The following SRBD1 variants were observed in gnomAD, a reference collection of about 807,000 sequenced individuals.
SRBD1 encodes S1 RNA binding domain 1.
In SRBD1, 88 loss-of-function variants were observed where a neutral mutation model predicts 115.3. The observed-to-expected ratio is 0.76, with a 90% CI of 0.64 to 0.91. The LOEUF (loss-of-function observed/expected upper bound fraction) is 0.91. SRBD1 is among the 40% of genes least tolerant of loss of function. SRBD1 has a pLI of 0.00. For missense variants in SRBD1, 1,385 were observed against 1,177.4 expected (o/e 1.18, Z -2.58); for synonymous variants, 509 against 407.7 (o/e 1.25, Z -2.99).
intron 7 of SRBD1, among the ~76,000 whole-genome samples, chr2:45,577,442 C>T (rs1673214812): frequency 6.6e-6 from 1 of 152,166 alleles, no homozygotes. Context: ...CTTCAAACCT[C>T]CACACCTGTA....
intron 18 of SRBD1, among the ~76,000 whole-genome samples, 199 bp downstream of exon 18, chr2:45,418,166 C>G (rs2103629150): frequency 6.6e-6 from 1 of 152,284 alleles, no homozygotes; most frequent in African/African-American, 2.4e-5. Context: ...TAAAATATAA[C>G]TCCATGAGAA....
intron 16 of SRBD1, among the ~76,000 whole-genome samples, chr2:45,474,488 A>G (rs1218214818): frequency 6.6e-6 from 1 of 152,194 alleles, no homozygotes; most frequent in South Asian, 2.1e-4. Flanking sequence ...CTCTTGAGCT[A>G]TCTCCCAGCC....
intron 16 of SRBD1, among the ~76,000 whole-genome samples, chr2:45,455,677 A>T (rs1419159350): frequency 6.6e-6 from 1 of 151,786 alleles, no homozygotes; most frequent in South Asian, 2.1e-4. Flanking sequence ...CCCTGACACA[A>T]CTTTGCAATG....
intron 18 of SRBD1, among the ~76,000 whole-genome samples, chr2:45,416,397 C>A (rs1393350015): frequency 1.3e-5 from 2 of 152,150 alleles, no homozygotes; most frequent in African/African-American, 4.8e-5. Flanking sequence ...CACAAATCTT[C>A]AAGTACCTAA....
intron 16 of SRBD1, among the ~76,000 whole-genome samples, chr2:45,424,097 C>A (rs1668083805): frequency 6.6e-6 from 1 of 152,110 alleles, no homozygotes; most frequent in Admixed American, 6.5e-5. Flanking sequence ...AGAAAACATA[C>A]TGATGTAATA....
chr2:45,599,489 C>T lies in SRBD1; in HGVS notation c.608G>A (p.Ser203Asn), dbSNP rs1674019029. The T allele has an allele frequency of 2.5e-6, 4 of 1,614,024 alleles. No homozygotes were observed. The highest frequency in any genetic ancestry group is 3.3e-5 in the Admixed American group (2 of 60,014). The change falls in exon 4 of 21, where the codon AGT (serine) becomes AAT (asparagine). Residue 203 changes from serine (S) to asparagine (N), a missense_variant. Coordinates refer to ENST00000263736, the MANE Select transcript of SRBD1 (RefSeq NM_018079.5). ...ATTCATTTCCACCTCCTCTTTAGTA[C>T]TATTGGCATTTGCTGGAAACTTGAC... Reference protein sequence around the residue: ...QPVKFPANANSTKEEVEMNWD... With the variant: ...QPVKFPANANNTKEEVEMNWD...
intron 10 of SRBD1, among the ~76,000 whole-genome samples, chr2:45,556,702 A>G (rs1287436577): frequency 6.6e-6 from 1 of 152,024 alleles, no homozygotes. Flanking sequence ...ACCTCAAGTG[A>G]TCTACCTGCT....
chr2:45,536,927 A>G (rs1198665147), intron 14 of SRBD1, among the ~76,000 whole-genome samples: 2 of 152,232 alleles, frequency 1.3e-5, no homozygotes, highest in Non-Finnish European at 2.9e-5. Flanking sequence ...ATGATCAACC[A>G]TAAGAAACAC....
chr2:45,577,842 T>C (rs1273780097), intron 7 of SRBD1, among the ~76,000 whole-genome samples: 1 of 151,914 alleles, frequency 6.6e-6, no homozygotes, highest in Non-Finnish European at 1.5e-5. Context: ...AAGCAGTACC[T>C]AGCTTATATA....
At position 45,585,767 on chromosome 2, in the gene SRBD1, G is replaced by C. The variant is rs750678667; in HGVS notation, c.656C>G (p.Ser219Cys). Residue 219 changes from serine to cysteine, a missense_variant, in exon 5 of 21, where the codon TCT (serine) becomes TGT (cysteine). Ser to Cys is a moderately radical substitution (Grantham distance 112). Transcript: ENST00000263736. ...CCAAGGTTCAATATTAGTTCTCTCAGATAAAACCTGCAAATTAAAGATACT... is the reference window on the plus strand; with the variant it reads ...CCAAGGTTCAATATTAGTTCTCTCACATAAAACCTGCAAATTAAAGATACT... ...EMNWDMVQVL[S>C]ERTNIEPWVC... 6 of 1,586,288 alleles carry C rather than the reference G, an allele frequency of 3.8e-6. No homozygotes were observed. The highest frequency in any genetic ancestry group is 4.3e-6 in the Non-Finnish European group (5 of 1,172,442).
At chr2:45,515,439 G>A (rs1422245482) in intron 14 of SRBD1, among the ~76,000 whole-genome samples, 1 of 152,152 alleles carries the variant, frequency 6.6e-6, no homozygotes, top group Non-Finnish European at 1.5e-5. Context: ...ACTATATTCA[G>A]TACAGCGTAG....
At chr2:45,567,594 G>C (rs1347495975) in intron 9 of SRBD1, among the ~76,000 whole-genome samples, 2 of 149,054 alleles carry the variant, frequency 1.3e-5, no homozygotes, top group East Asian at 3.9e-4. Flanking sequence ...GGGTGAAAGA[G>C]CAAGATACTG....
chr2:45,407,614 C>A (rs1239768949), intron 19 of SRBD1, among the ~76,000 whole-genome samples: 2 of 151,884 alleles, frequency 1.3e-5, no homozygotes, highest in East Asian at 1.9e-4. Context: ...AAAGTCATCA[C>A]CAACAAAATT....
At chr2:45,587,384 A>G (rs189837095) in intron 4 of SRBD1, among the ~76,000 whole-genome samples, 75 of 151,722 alleles carry the variant, frequency 4.9e-4, no homozygotes, top group African/African-American at 1.8e-3. Flanking sequence ...TTAAACAGAA[A>G]AGTTTACAAA....
rs1666920925 is a variant in SRBD1 at position 45,388,972 on chromosome 2, A to G, written c.*338T>C. On this transcript the variant is annotated 3_prime_UTR_variant, in exon 21 of 21. Transcript: ENST00000263736. The stretch of plus-strand genomic sequence containing the variant: ...ATCCCATACAAGTCCAGCAAGGCAG[A>G]TGTTGGCAAGTAGAAGTTAAGCAAT... 12 of 224,742 alleles carry G rather than the reference A, an allele frequency of 5.3e-5. No individual in the cohort carries two copies. The South Asian group carries it at 1.0e-3, about 20-fold the overall frequency. 13.9% of individuals were successfully genotyped at this position (224,742 alleles called of 1,614,324 possible).
chr2:45,592,122 T>C (rs143534697), intron 4 of SRBD1, among the ~76,000 whole-genome samples: 1 of 152,162 alleles, frequency 6.6e-6, no homozygotes, highest in Non-Finnish European at 1.5e-5. Context: ...CATTTTCTCT[T>C]GCTGCTGCCA....
At chr2:45,403,029 C>T (rs1462438658) in intron 19 of SRBD1, among the ~76,000 whole-genome samples, 1 of 152,162 alleles carries the variant, frequency 6.6e-6, no homozygotes, top group Non-Finnish European at 1.5e-5. Flanking sequence ...AACAAACTCA[C>T]TCACACACAC....
rs756326799 is a variant in SRBD1 at position 45,413,192 on chromosome 2, G to C, written c.2435C>G (p.Thr812Ser). The change falls in exon 19 of 21, where the codon ACT becomes AGT. Residue 812 changes from threonine (T) to serine (S), a missense_variant. Thr to Ser is a moderately conservative substitution (Grantham distance 58). Transcript: ENST00000263736. ...NEKQGKKKSKTAVNVLLKPNP... is the reference protein window; with the variant it reads ...NEKQGKKKSKSAVNVLLKPNP... The stretch of plus-strand genomic sequence containing the variant: ...TGGCTTCAGTAAAACATTCACTGCA[G>C]TTTTGCTCTTCTTTTTGCCCTGCTT... 1 of 1,614,120 alleles carries C rather than the reference G, an allele frequency of 6.2e-7. No homozygotes were observed. Among genetic ancestry groups the C allele is most frequent in the African/African-American group, 1.3e-5 (1 of 75,034 alleles).
intron 6 of SRBD1, 37 bp downstream of exon 6, chr2:45,581,656 T>G: frequency 6.6e-7 from 1 of 1,517,832 alleles, no homozygotes; most frequent in Non-Finnish European, 9.1e-7. Flanking sequence ...TGCAATATAT[T>G]CAGGTATTAC....
Sources: gnomAD v4.1 joint callset for allele counts (sites outside exome capture counted in the v4.1 genomes callset) on GRCh38, gnomAD v4.1.1 for gene constraint, MANE v1.5 for transcripts, NCBI Gene and HGNC (gene_info 2026-07-23, HGNC 2026-07-21) for gene names.